TRIP12: variants seen among roughly 807,000 people sequenced by gnomAD.
TRIP12 encodes the protein thyroid hormone receptor interactor 12, also known as E3 ubiquitin-protein ligase TRIP12.
Under a neutral mutation model 244.2 loss-of-function variants are expected in TRIP12, and 25 were observed. The ratio of observed to expected loss-of-function variants is 0.10; its 90% CI spans 0.07 to 0.14. The LOEUF is 0.14. Among genes scored for constraint, TRIP12 ranks in the 10% least tolerant of loss-of-function variants. The pLI is 1.00. For missense variants in TRIP12, 1,677 were observed against 2,486.4 expected, an observed-to-expected ratio of 0.67 and a Z score of 6.92; for synonymous variants, 905 against 873.1, an observed-to-expected ratio of 1.04 and a Z score of -0.64.
At chr2:229,807,526 G>T in intron 17 of TRIP12, 182 bp downstream of exon 17, 2 of 711,680 alleles carry the variant, frequency 2.8e-6, no homozygotes, top group African/African-American at 1.8e-5. Flanking sequence ...AGCAGGACTA[G>T]AACATGAAGT....
In TRIP12 at chr2:229,888,018, C is replaced by A. The variant is rs367852457; in HGVS notation, c.-49-7890G>T. ...TAAATTGCCTATAAATACCCAGTTCCCCAAATGCTCTTTAAACTAGCTTTA... is the reference window on the plus strand; with the variant it reads ...TAAATTGCCTATAAATACCCAGTTCACCAAATGCTCTTTAAACTAGCTTTA... On this transcript the variant is annotated intron_variant, in intron 1 of 41. Transcript: ENST00000675903. 2.0e-5 allele frequency among the ~76,000 whole-genome samples: 3 copies of A among 152,264 alleles called. No individual in the cohort carries two copies. The East Asian group carries it at 5.8e-4, about 29-fold the overall frequency.
At chr2:229,836,475 T>C (rs143802488) in intron 6 of TRIP12, among the ~76,000 whole-genome samples, 23 of 152,376 alleles carry the variant, frequency 1.5e-4, no homozygotes, top group Non-Finnish European at 2.6e-4. Context: ...TGAATACTTG[T>C]ATTTTAGGGC....
chr2:229,808,408 C>G, intron 15 of TRIP12, 39 bp from the exon 16 acceptor site: 2 of 1,328,982 alleles, frequency 1.5e-6, no homozygotes, highest in Non-Finnish European at 2.1e-6. Flanking sequence ...GGCTATTAAA[C>G]TAGTTATACT....
chr2:229,804,355 A>G, intron 18 of TRIP12, 128 bp from the exon 19 acceptor site: 1 of 741,580 alleles, frequency 1.3e-6, no homozygotes, highest in South Asian at 2.0e-5. Context: ...ATTATAGAAC[A>G]CATGAACTTC....
intron 2 of TRIP12, among the ~76,000 whole-genome samples, chr2:229,865,783 T>G (rs1272923220): frequency 1.3e-5 from 2 of 152,194 alleles, no homozygotes; most frequent in East Asian, 1.9e-4. Context: ...AAAGTTCACT[T>G]TAAACCACTT....
At chr2:229,801,285 C>A (rs924867663) in intron 21 of TRIP12, among the ~76,000 whole-genome samples, 2 of 152,190 alleles carry the variant, frequency 1.3e-5, no homozygotes, top group Non-Finnish European at 2.9e-5. Flanking sequence ...GCCAGAAGTT[C>A]AGTCTGCCAG....
chr2:229,922,571 A>T (rs1410207060), upstream of TRIP12: 4 of 1,614,042 alleles, frequency 2.5e-6, no homozygotes, highest in South Asian at 4.4e-5. Context: ...CCCGCCGCCT[A>T]GCAAAGACTA....
chr2:229,792,949 AC>A, intron 27 of TRIP12, 23 bp downstream of exon 27: 1 of 1,604,632 alleles, frequency 6.2e-7, no homozygotes. Flanking sequence ...TATATAACAC[AC>A]GAAACAAATA....
At chr2:229,827,462 A>AATT (rs200242984) in intron 8 of TRIP12, among the ~76,000 whole-genome samples, 1 of 151,804 alleles carries the variant, frequency 6.6e-6, no homozygotes, top group African/African-American at 2.4e-5. Context: ...CTATTTTGAA[A>AATT]ATTATTATTA....
intron 34 of TRIP12, among the ~76,000 whole-genome samples, chr2:229,779,961 CTCTAAG>C (rs1361881233): frequency 1.3e-5 from 2 of 152,340 alleles, no homozygotes; most frequent in African/African-American, 2.4e-5. Context: ...ACAGGTTATA[CTCTAAG>C]TCTAACTGTA....
At position 229,796,223 on chromosome 2, in the gene TRIP12, A is replaced by T. The variant is rs550702192; in HGVS notation, c.3816+368T>A. Reference sequence around the variant, plus strand: ...CAAAACAAGAAAATATAACTCCTCTATCTTATTATAGATGTCTGTTTCACT... The same window carrying T: ...CAAAACAAGAAAATATAACTCCTCTTTCTTATTATAGATGTCTGTTTCACT... On this transcript the variant is annotated intron_variant, in intron 25 of 41. Coordinates refer to ENST00000675903, the MANE Select transcript of TRIP12 (RefSeq NM_001348323.3). Among the ~76,000 whole-genome samples the T allele has an allele frequency of 2.9e-4, 44 of 152,338 alleles. 1 individual carries two copies. The highest frequency in any genetic ancestry group is 3.4e-3 in the Middle Eastern group (1 of 294).
chr2:229,849,561 T>TA (rs1235648002), intron 4 of TRIP12, among the ~76,000 whole-genome samples: 8 of 151,150 alleles, frequency 5.3e-5, no homozygotes, highest in Admixed American at 1.3e-4. Context: ...AAGACTGCTT[T>TA]AAAAAAAAAT....
At chr2:229,793,453 T>C in intron 26 of TRIP12, 1 of 176,556 alleles carries the variant, frequency 5.7e-6, no homozygotes, top group East Asian at 1.4e-4. Flanking sequence ...ATTATTTTTC[T>C]GGAACAAAAA....
At chr2:229,852,050 T>C (rs2058813533) in intron 4 of TRIP12, among the ~76,000 whole-genome samples, 1 of 152,202 alleles carries the variant, frequency 6.6e-6, no homozygotes, top group South Asian at 2.1e-4. Context: ...AATCAGAATC[T>C]CTTTTCTAGA....
intron 22 of TRIP12, 115 bp from the exon 23 acceptor site, chr2:229,799,164 C>T (rs2043554610): frequency 3.9e-6 from 6 of 1,527,332 alleles, no homozygotes; most frequent in Non-Finnish European, 4.5e-6. Flanking sequence ...ACTAAGAACA[C>T]TTAGTCCTCA....
Position 229,807,727 on chromosome 2 carries a change from A to G in TRIP12, c.2477T>C (p.Ile826Thr), listed in dbSNP as rs142756508. 88 of 1,614,016 alleles carry G rather than the reference A, an allele frequency of 5.5e-5. No individual in the cohort carries two copies. The highest frequency in any genetic ancestry group is 3.3e-4 in the Middle Eastern group (2 of 6,084). ...DRGLWHPYNR[I>T]DSRIIEAAHQ... ...TACTACCTCAATGATCCGGCTGTCA[A>G]TCCTGTTATATGGATGCCAGAGGCC... Residue 826 changes from isoleucine (I) to threonine (T), a missense_variant, in exon 17 of 42, where the codon ATT (isoleucine) becomes ACT (threonine). By Grantham distance (89) the Ile-to-Thr change is moderately conservative. Around this residue, in one of 11 missense-constraint regions of TRIP12, gnomAD observed 572 missense variants for 867.8 expected, o/e 0.66. Transcript: ENST00000675903.
rs780643283 is a variant in TRIP12, at chr2:229,901,347, G to A, written c.-50+20533C>T. Among the ~76,000 whole-genome samples, 4 of 151,892 alleles carry A rather than the reference G, an allele frequency of 2.6e-5. No individual in the cohort carries two copies. The East Asian group carries it at 5.8e-4, about 22-fold the overall frequency. On this transcript the variant is annotated intron_variant, in intron 1 of 41. Transcript: ENST00000675903. The stretch of plus-strand genomic sequence containing the variant: ...GCGCAGTGGCTCACTTTGGCCAGGC[G>A]AGGTGGCTTACGCTTGTAATCCCAG...
intron 37 of TRIP12, 72 bp from the exon 38 acceptor site, chr2:229,774,333 T>C: frequency 2.8e-6 from 4 of 1,446,272 alleles, no homozygotes; most frequent in East Asian, 4.7e-5. Context: ...AAATAAAAGA[T>C]ATCCTAATAA....
At chr2:229,821,949 G>A (rs2050158529) in intron 8 of TRIP12, among the ~76,000 whole-genome samples, 1 of 152,152 alleles carries the variant, frequency 6.6e-6, no homozygotes, top group Non-Finnish European at 1.5e-5. Context: ...AGAACAGCCT[G>A]GCCAGCATGG....
Sources: allele counts gnomAD v4.1 joint callset (sites outside exome capture counted in the v4.1 genomes callset), GRCh38; gene constraint gnomAD v4.1.1; regional missense constraint gnomAD v4.1.1; transcripts MANE v1.5; gene names NCBI Gene and HGNC (gene_info 2026-07-23, HGNC 2026-07-21).